The following PKD2L1 variants were observed in gnomAD, a reference collection of about 807,000 sequenced individuals.
The protein encoded by PKD2L1 is polycystin-2-like protein 1.
PKD2L1 carries 77 observed loss-of-function variants against 93.0 expected under a neutral mutation model. The observed-to-expected ratio is 0.83, with a 90% CI of 0.69 to 1.00. The LOEUF is 1.00. Among genes scored for constraint, PKD2L1 ranks in the 50% least tolerant of loss-of-function variants. The pLI is 0.00. For synonymous variants in PKD2L1, 390 were observed against 388.0 expected, an observed-to-expected ratio of 1.01 and a Z score of -0.06; for missense variants, 977 against 990.9, an observed-to-expected ratio of 0.99 and a Z score of 0.19.
intron 2 of PKD2L1, among the ~76,000 whole-genome samples, chr10:100,327,578 G>T (rs772032404): frequency 6.6e-6 from 1 of 152,214 alleles, no homozygotes; most frequent in South Asian, 2.1e-4. Flanking sequence ...AAAGAGAGAC[G>T]TTTAAGTCAT....
At chr10:100,319,410 C>T (rs1248167468) in intron 2 of PKD2L1, among the ~76,000 whole-genome samples, 1 of 152,240 alleles carries the variant, frequency 6.6e-6, no homozygotes, top group Admixed American at 6.5e-5. Flanking sequence ...GTCACACGCT[C>T]TTTCCATTAT....
intron 2 of PKD2L1, among the ~76,000 whole-genome samples, chr10:100,313,845 G>A (rs777491860): frequency 6.6e-5 from 10 of 152,192 alleles, no homozygotes; most frequent in Non-Finnish European, 1.5e-4. Context: ...TACGCAGACA[G>A]ATTTGGTCAC....
At position 100,294,940 on chromosome 10, in the gene PKD2L1, A is replaced by T; in HGVS notation, c.1538+2T>A. 1 of 1,611,128 alleles carries T rather than the reference A, an allele frequency of 6.2e-7. No individual in the cohort carries two copies. The highest frequency in any genetic ancestry group is 8.5e-7 in the Non-Finnish European group (1 of 1,178,180). On this transcript the variant is annotated splice_donor_variant, in intron 8 of 15. Transcript: ENST00000318222. LOFTEE classifies it high-confidence loss of function. ...GAGGAGTGAAGGGGACAGGACACACACATGCACTTGATGAAAGTGCTAAAG... is the reference window on the plus strand; with the variant it reads ...GAGGAGTGAAGGGGACAGGACACACTCATGCACTTGATGAAAGTGCTAAAG...
intron 11 of PKD2L1, among the ~76,000 whole-genome samples, chr10:100,292,022 T>C (rs529329415): frequency 2.6e-5 from 4 of 152,022 alleles, no homozygotes; most frequent in Admixed American, 6.6e-5. Context: ...TGGAAGAGCC[T>C]TCCTCTGCTT....
rs769798020 is a variant in PKD2L1, at chr10:100,301,895, G to A, written c.350-2177C>T. On this transcript the variant is annotated intron_variant, in intron 2 of 15. Coordinates refer to ENST00000318222, the MANE Select transcript of PKD2L1 (RefSeq NM_016112.3). ...ACGGCTTCAGCAGGTCCCTCCATTC[G>A]GGGTCCCTGACTTCCCGCAACACTC... Among the ~76,000 whole-genome samples the A allele has an allele frequency of 9.2e-5, 14 of 152,222 alleles. No individual in the cohort carries two copies. The East Asian group carries it at 2.1e-3, about 23-fold the overall frequency.
rs138353625 is a variant in PKD2L1, at chr10:100,321,465, A to AAAAAG, written c.349+7741_349+7745dup. On this transcript the variant is annotated intron_variant, in intron 2 of 15. Transcript: ENST00000318222. ...ACAGAGCGAGACTCTGTCTCAAAAA[A>AAAAAG]AAAAGAAAAGAAAAGAAAAGAAAAT... is the stretch of plus-strand genomic sequence containing the variant. Among the ~76,000 whole-genome samples the AAAAAG allele has an allele frequency of 4.4e-3, 653 of 148,692 alleles. 4 individuals are homozygous for AAAAAG. The highest frequency in any genetic ancestry group is 0.014 in the African/African-American group (579 of 40,126).
rs1848577016 is a variant in PKD2L1, at chr10:100,297,588, C to T, written c.750G>A (p.Gln250=). 1 of 1,613,558 alleles carries T rather than the reference C, an allele frequency of 6.2e-7. No homozygotes were observed. Among genetic ancestry groups the T allele is most frequent in the Non-Finnish European group, 8.5e-7 (1 of 1,179,822 alleles). The part of the protein sequence containing the change: ...FNGTAWTYHS[Q]DELGGFSHWG... ...AGTGGGAGAAGCCCCCCAACTCATC[C>T]TGCGAGTGGTATGTCCACCTGCCAC... The change falls in exon 5 of 16, where the codon CAG becomes CAA. Residue 250 remains glutamine (Q), a synonymous_variant. Coordinates refer to ENST00000318222, the MANE Select transcript of PKD2L1 (RefSeq NM_016112.3).
chr10:100,289,412 G>A (rs750345355), intron 14 of PKD2L1, among the ~76,000 whole-genome samples: 8 of 152,196 alleles, frequency 5.3e-5, no homozygotes, highest in Non-Finnish European at 1.0e-4. Flanking sequence ...GGTGGCACAT[G>A]CCTGTAATCC....
At chr10:100,302,777 A>T (rs1848713101) in intron 2 of PKD2L1, among the ~76,000 whole-genome samples, 1 of 152,196 alleles carries the variant, frequency 6.6e-6, no homozygotes, top group Non-Finnish European at 1.5e-5. Flanking sequence ...AAAAGAAAAA[A>T]ATTGAAAGCT....
At position 100,329,981 on chromosome 10, in the gene PKD2L1, G is replaced by A. The variant is rs1849468813; in HGVS notation, c.123C>T (p.Ser41=). 1.2e-6 allele frequency: 2 copies of A among 1,613,918 alleles called. No homozygotes were observed. Among genetic ancestry groups the A allele is most frequent in the South Asian group, 1.1e-5 (1 of 91,084 alleles). ...PHGTLRVCTI[S]STGPLQPQPK... The stretch of plus-strand genomic sequence containing the variant: ...GTTGGGGCTGGAGAGGCCCCGTGCT[G>A]GAGATGGTGCAGACTCTCAGCGTCC... Residue 41 remains serine (S), a synonymous_variant, in exon 1 of 16, where the codon TCC becomes TCT. Transcript: ENST00000318222.
intron 9 of PKD2L1, among the ~76,000 whole-genome samples, chr10:100,294,014 A>G (rs1359570146): frequency 1.3e-5 from 2 of 152,264 alleles, no homozygotes; most frequent in South Asian, 2.1e-4. Context: ...TCAGGAAGCT[A>G]AAGTGGGAGG....
At chr10:100,329,453 G>C (rs1202462891) in intron 1 of PKD2L1, 129 bp from the exon 2 acceptor site, 34 of 1,261,232 alleles carry the variant, frequency 2.7e-5, no homozygotes, top group African/African-American at 1.5e-5. Context: ...CTTCATCCTT[G>C]GCTGAATCTG....
intron 2 of PKD2L1, among the ~76,000 whole-genome samples, chr10:100,301,412 C>T (rs1848670508): frequency 6.6e-6 from 1 of 151,910 alleles, no homozygotes; most frequent in Admixed American, 6.6e-5. Context: ...CTGTTATCTG[C>T]AGCTGCATAA....
At chr10:100,318,677 C>T (rs1849157730) in intron 2 of PKD2L1, among the ~76,000 whole-genome samples, 1 of 151,312 alleles carries the variant, frequency 6.6e-6, no homozygotes, top group Admixed American at 6.6e-5. Context: ...TGCCACCACA[C>T]CCAGCTAATT....
chr10:100,291,039 G>A (rs1431387742), intron 12 of PKD2L1, among the ~76,000 whole-genome samples: 1 of 152,204 alleles, frequency 6.6e-6, no homozygotes, highest in East Asian at 1.9e-4. Flanking sequence ...AATCACCTAA[G>A]GAGTTATAAA....
intron 2 of PKD2L1, among the ~76,000 whole-genome samples, chr10:100,314,962 AGAAGGAAGGAAGGAAG>A (rs1237204940): frequency 0.033 from 1,083 of 33,042 alleles, 42 homozygotes; most frequent in South Asian, 0.062. Context: ...AAAGAAAGAA[AGAAGGAAGGAAGGAAG>A]GAAGGAAGGA....
intron 2 of PKD2L1, among the ~76,000 whole-genome samples, chr10:100,307,215 C>A (rs555894343): frequency 6.6e-6 from 1 of 152,196 alleles, no homozygotes; most frequent in Non-Finnish European, 1.5e-5. Context: ...CAGCCTTATG[C>A]GGTGGGTGCC....
At chr10:100,316,102 C>T (rs532045495) in intron 2 of PKD2L1, among the ~76,000 whole-genome samples, 22 of 152,300 alleles carry the variant, frequency 1.4e-4, no homozygotes, top group African/African-American at 5.3e-4. Flanking sequence ...GCGCTCATCA[C>T]ATTCTATGTC....
chr10:100,314,802 G>T (rs1161922933), intron 2 of PKD2L1, among the ~76,000 whole-genome samples: 1 of 151,808 alleles, frequency 6.6e-6, no homozygotes, highest in Non-Finnish European at 1.5e-5. Context: ...GGAGGCTGAG[G>T]TGGGTGGGGA....
Sources: allele counts gnomAD v4.1 joint callset (sites outside exome capture counted in the v4.1 genomes callset), GRCh38; gene constraint gnomAD v4.1.1; transcripts MANE v1.5; gene names NCBI Gene and HGNC (gene_info 2026-07-23, HGNC 2026-07-21).